ROBO2: variants seen among roughly 807,000 people sequenced by gnomAD.
The protein encoded by ROBO2 is roundabout guidance receptor 2, also known as roundabout homolog 2.
Under a neutral mutation model 160.8 loss-of-function variants are expected in ROBO2, and 53 were observed. The ratio of observed to expected loss-of-function variants is 0.33; its 90% CI spans 0.26 to 0.41. The LOEUF is 0.41. Ranked by LOEUF, ROBO2 falls within the 10% of genes least tolerant of loss-of-function variation. ROBO2 has a pLI of 1.00. For missense variants in ROBO2, 1,577 were observed against 1,722.4 expected (o/e 0.92, Z 1.49); for synonymous variants, 664 against 611.7 (o/e 1.09, Z -1.26).
In ROBO2 at chr3:76,584,515, C is replaced by A. The variant is rs372420880; in HGVS notation, c.110-513499C>A. Among the ~76,000 whole-genome samples the A allele has an allele frequency of 2.8e-4, 43 of 151,984 alleles. 2 individuals are homozygous for A. Among genetic ancestry groups the A allele is most frequent in the South Asian group, 2.7e-3 (13 of 4,808 alleles). On this transcript the variant is annotated intron_variant, in intron 2 of 26. Coordinates refer to the ROBO2 transcript ENST00000487694. ...GGACACAGAAACACTCATAAAGGGA[C>A]GAAAATGTGAAAAGACAAGGGGAAA... is the stretch of plus-strand genomic sequence containing the variant.
At chr3:77,545,021 TG>T (rs1251716814) in intron 6 of ROBO2, among the ~76,000 whole-genome samples, 1 of 152,094 alleles carries the variant, frequency 6.6e-6, no homozygotes, top group Non-Finnish European at 1.5e-5. Context: ...TTTTATTTTC[TG>T]TCGGAGTTAC....
At chr3:76,850,182 A>C (rs2069197706) in intron 2 of ROBO2, among the ~76,000 whole-genome samples, 1 of 151,952 alleles carries the variant, frequency 6.6e-6, no homozygotes, top group African/African-American at 2.4e-5. Flanking sequence ...AGAAAAAAAA[A>C]GTTTTCTCTA....
intron 21 of ROBO2, among the ~76,000 whole-genome samples, chr3:77,615,611 T>C (rs1193852695): frequency 5.9e-5 from 9 of 152,292 alleles, no homozygotes; most frequent in East Asian, 3.9e-4. Flanking sequence ...TTTTTAGACC[T>C]TTCACTTGGT....
chr3:76,999,978 C>T (rs756098853), intron 2 of ROBO2, among the ~76,000 whole-genome samples: 2 of 152,138 alleles, frequency 1.3e-5, no homozygotes, highest in Admixed American at 6.6e-5. Context: ...GTGTTCACCA[C>T]ATGCTTCCTG....
chr3:77,095,513 T>C (rs2070920958), intron 1 of ROBO2, among the ~76,000 whole-genome samples: 1 of 152,194 alleles, frequency 6.6e-6, no homozygotes, highest in Admixed American at 6.5e-5. Flanking sequence ...ACTTGCTTAC[T>C]TTTAATAGTA....
chr3:77,288,501 G>A (rs1227941746), intron 2 of ROBO2, among the ~76,000 whole-genome samples: 6 of 152,148 alleles, frequency 3.9e-5, no homozygotes, highest in Non-Finnish European at 8.8e-5. Context: ...AAAGCAATTA[G>A]CCTTCATGAT....
chr3:76,578,617 C>T (rs923655998), intron 2 of ROBO2, among the ~76,000 whole-genome samples: 1 of 152,066 alleles, frequency 6.6e-6, no homozygotes, highest in Non-Finnish European at 1.5e-5. Context: ...ATTATTGCCC[C>T]CACCTGCTAC....
intron 2 of ROBO2, among the ~76,000 whole-genome samples, chr3:77,369,247 G>A (rs1196565678): frequency 1.3e-5 from 2 of 152,146 alleles, no homozygotes; most frequent in Non-Finnish European, 2.9e-5. Context: ...AGTTGTTCAA[G>A]TGAGGTGCCT....
At chr3:77,576,851 GAAA>G (rs2093779554) in intron 14 of ROBO2, among the ~76,000 whole-genome samples, 1 of 152,096 alleles carries the variant, frequency 6.6e-6, no homozygotes, top group Admixed American at 6.6e-5. Context: ...AGTATGGGAA[GAAA>G]AAGAAGTTTT....
chr3:77,460,802 T>C (rs927665916), intron 2 of ROBO2, among the ~76,000 whole-genome samples: 5 of 152,094 alleles, frequency 3.3e-5, no homozygotes, highest in Admixed American at 3.3e-4. Flanking sequence ...AAACATGGAG[T>C]TATTATATCT....
chr3:76,435,434 G>A, intron 2 of ROBO2: 1 of 772,354 alleles, frequency 1.3e-6, no homozygotes, highest in Non-Finnish European at 2.4e-6. Context: ...GATAGGCAAA[G>A]TGTCTCTGGG....
chr3:77,643,659 C>T (rs1382859724), intron 24 of ROBO2, among the ~76,000 whole-genome samples: 1 of 152,136 alleles, frequency 6.6e-6, no homozygotes. Context: ...AGTACTGAAA[C>T]ACACACATAC....
intron 2 of ROBO2, among the ~76,000 whole-genome samples, chr3:76,733,059 T>A (rs964207412): frequency 1.3e-5 from 2 of 152,046 alleles, no homozygotes; most frequent in African/African-American, 4.8e-5. Context: ...GAATTATAAT[T>A]TATGAAGAAA....
chr3:76,663,868 C>A (rs2091920855), intron 2 of ROBO2, among the ~76,000 whole-genome samples: 1 of 151,448 alleles, frequency 6.6e-6, no homozygotes, highest in Non-Finnish European at 1.5e-5. Flanking sequence ...TGCGCCACTG[C>A]ACTTCTGCCT....
intron 2 of ROBO2, among the ~76,000 whole-genome samples, chr3:76,151,860 A>G (rs1455541690): frequency 6.6e-6 from 1 of 152,192 alleles, no homozygotes; most frequent in Non-Finnish European, 1.5e-5. Context: ...TAATGCAGTT[A>G]CTTGTGAATT....
At chr3:76,814,114 G>A (rs2065447586) in intron 2 of ROBO2, among the ~76,000 whole-genome samples, 4 of 152,148 alleles carry the variant, frequency 2.6e-5, no homozygotes, top group African/African-American at 4.8e-5. Context: ...AATTAAAAAC[G>A]AAGTATCCGT....
At chr3:76,367,702 T>C (rs998044515) in intron 2 of ROBO2, among the ~76,000 whole-genome samples, 1 of 151,960 alleles carries the variant, frequency 6.6e-6, no homozygotes, top group Non-Finnish European at 1.5e-5. Flanking sequence ...AATGCCTAAA[T>C]AATCTACTTT....
chr3:76,741,437 A>T (rs916512354), intron 2 of ROBO2, among the ~76,000 whole-genome samples: 2 of 152,074 alleles, frequency 1.3e-5, no homozygotes, highest in East Asian at 3.8e-4. Flanking sequence ...AAGTCTTTTA[A>T]CATAAGTGAA....
At position 75,989,621 on chromosome 3, in the gene ROBO2, A is replaced by T. The variant is rs375504857; in HGVS notation, c.109+52019A>T. Among the ~76,000 whole-genome samples, 22 of 152,356 alleles carry T rather than the reference A, an allele frequency of 1.4e-4. No individual in the cohort carries two copies. In the East Asian group the frequency reaches 1.9e-3, roughly 13 times the overall value. Reference sequence around the variant, plus strand: ...CAGGTTTTGAAAGAACATGTTAAAGATAAGTATGAAGATTACCAAAAAAAG... The same window carrying T: ...CAGGTTTTGAAAGAACATGTTAAAGTTAAGTATGAAGATTACCAAAAAAAG... On this transcript the variant is annotated intron_variant, in intron 2 of 26. Coordinates refer to the ROBO2 transcript ENST00000487694.
Sources: gnomAD v4.1 joint callset for allele counts (sites outside exome capture counted in the v4.1 genomes callset) on GRCh38, gnomAD v4.1.1 for gene constraint, MANE v1.5 for transcripts, NCBI Gene and HGNC (gene_info 2026-07-23, HGNC 2026-07-21) for gene names.